BLZF1: variants seen among roughly 807,000 people sequenced by gnomAD.
BLZF1 encodes basic leucine zipper nuclear factor 1.
Under a neutral mutation model 43.8 loss-of-function variants are expected in BLZF1, and 39 were observed. The ratio of observed to expected loss-of-function variants is 0.89; its 90% CI spans 0.69 to 1.16. BLZF1 has a LOEUF of 1.16. BLZF1 is among the 50% of genes most tolerant of loss of function. The pLI is 0.00. For missense variants in BLZF1, 449 were observed against 469.8 expected, an observed-to-expected ratio of 0.96 and a Z score of 0.41; for synonymous variants, 136 against 159.4, an observed-to-expected ratio of 0.85 and a Z score of 1.11.
At chr1:169,393,933 C>T (rs1317043886) in intron 7 of BLZF1, among the ~76,000 whole-genome samples, 1 of 152,158 alleles carries the variant, frequency 6.6e-6, no homozygotes, top group Non-Finnish European at 1.5e-5. Flanking sequence ...TGCCAGAATG[C>T]TTACAGTGAC....
At position 169,380,623 on chromosome 1, in the gene BLZF1, T is replaced by C. The variant is rs751301793; in HGVS notation, c.797+14T>C. On this transcript the variant is annotated intron_variant, in intron 5 of 6. Coordinates refer to ENST00000367808, the MANE Select transcript of BLZF1 (RefSeq NM_001320973.2). ...AGCTACCCAGAAGTATGGCACTTGT[T>C]TACATTCTGAACTCTTCTGCTTTCT... The C allele has an allele frequency of 1.2e-6, 2 of 1,611,396 alleles. No homozygotes were observed. Among genetic ancestry groups the C allele is most frequent in the Admixed American group, 3.3e-5 (2 of 59,738 alleles).
chr1:169,392,532 T>C (rs77266638), downstream of BLZF1, among the ~76,000 whole-genome samples: 3 of 152,342 alleles, frequency 2.0e-5, no homozygotes, highest in East Asian at 3.9e-4. Context: ...CTATGTGATA[T>C]TGCGATAGAA....
chr1:169,385,697 A>C (rs754418911), intron 6 of BLZF1, among the ~76,000 whole-genome samples: 7 of 152,210 alleles, frequency 4.6e-5, no homozygotes, highest in Non-Finnish European at 7.3e-5. Context: ...TCAAAAACTA[A>C]ATTGAAAAAG....
chr1:169,394,358 A>G (rs1217861818), intron 7 of BLZF1, among the ~76,000 whole-genome samples: 1 of 152,186 alleles, frequency 6.6e-6, no homozygotes, highest in Non-Finnish European at 1.5e-5. Context: ...TCGGGGATAC[A>G]TATGTGCGTT....
chr1:169,375,305 T>C (rs1221418756), intron 2 of BLZF1, among the ~76,000 whole-genome samples: 2 of 148,248 alleles, frequency 1.3e-5, no homozygotes, highest in Non-Finnish European at 3.0e-5. Flanking sequence ...TAAGTCTTTG[T>C]TTTAGGAGAT....
rs1162726996 is a variant in BLZF1 at position 169,378,433 on chromosome 1, ATGAAGCCC to A, written c.574_581del (p.Glu192ArgfsTer9). On this transcript the variant is annotated frameshift_variant, in exon 4 of 7. Transcript: ENST00000367808. LOFTEE classifies it high-confidence loss of function. ...GAGAAAAATCAGCTTATTTTAGAAA[ATGAAGCCC>A]TAGGTCGAAACACAGCTCAGCTTTC... The A allele has an allele frequency of 1.2e-6, 2 of 1,612,898 alleles. No individual in the cohort carries two copies. Among genetic ancestry groups the A allele is most frequent in the African/African-American group, 2.7e-5 (2 of 74,842 alleles).
chr1:169,377,040 T>C (rs1654381465), intron 3 of BLZF1, 61 bp downstream of exon 3: 1 of 1,351,600 alleles, frequency 7.4e-7, no homozygotes, highest in Admixed American at 2.2e-5. Flanking sequence ...CTTTTAAACG[T>C]GCATGTTAGA....
Position 169,387,300 on chromosome 1 carries a change from A to G in BLZF1, c.*118A>G. On this transcript the variant is annotated 3_prime_UTR_variant, in exon 7 of 7. Coordinates refer to ENST00000367808, the MANE Select transcript of BLZF1 (RefSeq NM_001320973.2). ...ATATCACTTCCTATTTACATAATGT[A>G]TACACCCAAAGATATTTTATGTACT... 1 of 865,836 alleles carries G rather than the reference A, an allele frequency of 1.2e-6. No individual in the cohort carries two copies. The highest frequency in any genetic ancestry group is 2.8e-5 in the East Asian group (1 of 36,070). 53.6% of individuals were successfully genotyped at this position (865,836 alleles called of 1,614,324 possible).
downstream of BLZF1, among the ~76,000 whole-genome samples, chr1:169,388,947 C>A (rs1256756905): frequency 6.6e-6 from 1 of 151,868 alleles, no homozygotes; most frequent in Non-Finnish European, 1.5e-5. Flanking sequence ...ATGGTGAAAC[C>A]CCCGTCTCTA....
chr1:169,391,984 C>A (rs1381825000), downstream of BLZF1, among the ~76,000 whole-genome samples: 4 of 152,170 alleles, frequency 2.6e-5, no homozygotes, highest in African/African-American at 9.7e-5. Flanking sequence ...AAGACCTAGG[C>A]AAAACTCTTG....
At chr1:169,373,852 T>A (rs1312805339) in intron 2 of BLZF1, among the ~76,000 whole-genome samples, 1 of 152,188 alleles carries the variant, frequency 6.6e-6, no homozygotes, top group Non-Finnish European at 1.5e-5. Context: ...ACAGCTTGCC[T>A]AGAAATTTTA....
At chr1:169,380,994 C>G (rs1478824157) in intron 5 of BLZF1, among the ~76,000 whole-genome samples, 1 of 151,976 alleles carries the variant, frequency 6.6e-6, no homozygotes, top group East Asian at 1.9e-4. Flanking sequence ...TTTTCATGTC[C>G]ATATACTCCA....
chr1:169,380,650 C>T (rs1398542242), intron 5 of BLZF1, 41 bp downstream of exon 5: 1 of 1,599,034 alleles, frequency 6.3e-7, no homozygotes, highest in Admixed American at 1.7e-5. Flanking sequence ...CTGCTTTCTC[C>T]TGCAAATTAA....
intron 2 of BLZF1, among the ~76,000 whole-genome samples, chr1:169,375,154 T>C (rs1654257855): frequency 6.6e-6 from 1 of 151,534 alleles, no homozygotes; most frequent in Non-Finnish European, 1.5e-5. Context: ...TGAAAAATTG[T>C]AAAGAGTCTA....
At chr1:169,374,535 T>A (rs1360517294) in intron 2 of BLZF1, among the ~76,000 whole-genome samples, 1 of 152,182 alleles carries the variant, frequency 6.6e-6, no homozygotes, top group African/African-American at 2.4e-5. Flanking sequence ...TGACACGATT[T>A]TATTCTAATG....
chr1:169,372,220 C>A (rs10919153), intron 2 of BLZF1, among the ~76,000 whole-genome samples: 12,828 of 133,976 alleles, frequency 0.096, 735 homozygotes, highest in Admixed American at 0.22. Context: ...TAAAAAGACT[C>A]TTGATTTAAA....
At position 169,380,551 on chromosome 1, in the gene BLZF1, A is replaced by G. The variant is rs1654490898; in HGVS notation, c.739A>G (p.Ile247Val). 2.5e-6 allele frequency: 4 copies of G among 1,612,930 alleles called. No homozygotes were observed. Among genetic ancestry groups the G allele is most frequent in the African/African-American group, 1.3e-5 (1 of 74,870 alleles). ...QRQNRDAHGA[I>V]QDLLSEREQF... ...TCAAAACCGTGATGCACACGGGGCTATACAAGATCTCCTAAGTGAACGGGA... is the reference window on the plus strand; with the variant it reads ...TCAAAACCGTGATGCACACGGGGCTGTACAAGATCTCCTAAGTGAACGGGA... Residue 247 changes from isoleucine (I) to valine (V), a missense_variant, in exon 5 of 7, where the codon ATA (isoleucine) becomes GTA (valine). Transcript: ENST00000367808.
chr1:169,375,010 G>A (rs1023353029), intron 2 of BLZF1, among the ~76,000 whole-genome samples: 6 of 151,896 alleles, frequency 4.0e-5, no homozygotes, highest in African/African-American at 1.5e-4. Context: ...AGTGATTTTC[G>A]AAGGCATTTC....
intron 2 of BLZF1, among the ~76,000 whole-genome samples, chr1:169,370,871 A>G (rs1005326662): frequency 1.5e-4 from 23 of 152,180 alleles, no homozygotes; most frequent in African/African-American, 5.3e-4. Flanking sequence ...ACTACTGCCT[A>G]CTGGCCATCT....
Sources: allele counts gnomAD v4.1 joint callset (sites outside exome capture counted in the v4.1 genomes callset), GRCh38; gene constraint gnomAD v4.1.1; transcripts MANE v1.5; gene names NCBI Gene and HGNC (gene_info 2026-07-23, HGNC 2026-07-21).